Variants in ARCN1 observed in about 807,000 individuals in gnomAD.
ARCN1 encodes the protein archain 1 coat protein complex I subunit delta.
In ARCN1, 5 loss-of-function variants were observed where a neutral mutation model predicts 60.4. That is an observed-to-expected ratio of 0.08 (90% CI 0.04 to 0.17). ARCN1 has a LOEUF of 0.17. Ranked by LOEUF, ARCN1 falls within the 10% of genes least tolerant of loss-of-function variation. ARCN1 has a pLI of 1.00. For synonymous variants in ARCN1, 224 were observed against 220.0 expected (o/e 1.02, Z -0.16); for missense variants, 464 against 626.5 (o/e 0.74, Z 2.77).
chr11:118,591,891 C>T lies in ARCN1; in HGVS notation c.985-818C>T, dbSNP rs544011581. Reference sequence around the variant, plus strand: ...CTGGAACTATAGGTGTGCACCACCACACCCAGCTATTTATTTATTTATTTA... The same window carrying T: ...CTGGAACTATAGGTGTGCACCACCATACCCAGCTATTTATTTATTTATTTA... On this transcript the variant is annotated intron_variant, in intron 6 of 9. Transcript: ENST00000264028. 2.6e-5 allele frequency among the ~76,000 whole-genome samples: 4 copies of T among 151,780 alleles called. No individual in the cohort carries two copies. In the East Asian group the frequency reaches 7.7e-4, roughly 29 times the overall value.
rs567714111 is a variant in ARCN1, at chr11:118,572,531, C to G, written c.-17C>G. ...AGTGGAGCCGGAGTGCGGGCGCGCC[C>G]CACCACCGCCCTCACCATGGTAAGA... On this transcript the variant is annotated 5_prime_UTR_variant, in exon 1 of 10. Coordinates refer to ENST00000264028, the MANE Select transcript of ARCN1 (RefSeq NM_001655.5). 1 of 1,611,452 alleles carries G rather than the reference C, an allele frequency of 6.2e-7. No homozygotes were observed. Among genetic ancestry groups the G allele is most frequent in the African/African-American group, 1.3e-5 (1 of 74,994 alleles).
chr11:118,583,727 C>G, intron 3 of ARCN1, 82 bp from the exon 4 acceptor site: 1 of 1,444,012 alleles, frequency 6.9e-7, no homozygotes, highest in East Asian at 2.3e-5. Context: ...CACTTGCACT[C>G]CAGCCTGGGT....
chr11:118,590,591 C>T, intron 6 of ARCN1, 85 bp downstream of exon 6: 2 of 1,382,482 alleles, frequency 1.4e-6, no homozygotes, highest in Admixed American at 2.1e-5. Flanking sequence ...ATATGAACCA[C>T]AGAAAATTAC....
intron 8 of ARCN1, among the ~76,000 whole-genome samples, chr11:118,596,126 C>G (rs1555077129): frequency 6.6e-6 from 1 of 151,944 alleles, no homozygotes; most frequent in Non-Finnish European, 1.5e-5. Flanking sequence ...ATAATTCAAG[C>G]CTTTACATTA....
chr11:118,573,579 A>G (rs1938408529), intron 1 of ARCN1: 4 of 653,946 alleles, frequency 6.1e-6, no homozygotes, highest in Non-Finnish European at 1.1e-5. Flanking sequence ...AGTCTTTTGA[A>G]GGATGTTCTG....
At chr11:118,572,718 A>G in intron 1 of ARCN1, 168 bp downstream of exon 1, 1 of 714,388 alleles carries the variant, frequency 1.4e-6, no homozygotes, top group African/African-American at 1.8e-5. Context: ...GGTCTCCTGG[A>G]GATCCGATGG....
intron 1 of ARCN1, among the ~76,000 whole-genome samples, chr11:118,579,933 G>C (rs1221335756): frequency 6.6e-6 from 1 of 152,072 alleles, no homozygotes; most frequent in Non-Finnish European, 1.5e-5. Flanking sequence ...TTGGCAGTTT[G>C]GGAAATTTTA....
At position 118,600,693 on chromosome 11, in the gene ARCN1, G is replaced by A. The variant is rs782471613; in HGVS notation, c.1515G>A (p.Val505=). The change falls in exon 10 of 10, where the codon GTG becomes GTA. Residue 505 remains valine, a synonymous_variant. Transcript: ENST00000264028. ...VRFSTETTFL[V]DKYEIL ...TTTCCACAGAGACCACTTTCCTAGT[G>A]GATAAGTATGAAATTCTGTAATACC... The A allele has an allele frequency of 7.4e-6, 12 of 1,610,878 alleles. No homozygotes were observed. The highest frequency in any genetic ancestry group is 3.3e-4 in the Middle Eastern group (2 of 6,046).
intron 8 of ARCN1, among the ~76,000 whole-genome samples, chr11:118,596,304 G>A (rs1387197292): frequency 6.6e-6 from 1 of 152,142 alleles, no homozygotes; most frequent in Non-Finnish European, 1.5e-5. Flanking sequence ...GACAGGTAGA[G>A]TTTTGTTTGT....
rs575164128 is a variant in ARCN1, at chr11:118,584,738, TG to T, written c.818+95del. On this transcript the variant is annotated intron_variant, in intron 5 of 9. Transcript: ENST00000264028. ...TTCAGTGTGCTATAAATTCTTTCTCTGTCTTTTAATCGTTCCTGATTTAAAA... is the reference window on the plus strand; with the variant it reads ...TTCAGTGTGCTATAAATTCTTTCTCTTCTTTTAATCGTTCCTGATTTAAAA... 2.1e-4 allele frequency: 237 copies of T among 1,130,040 alleles called. 1 individual carries two copies. In the African/African-American group the frequency reaches 3.6e-3, roughly 17 times the overall value. 70.0% of individuals were successfully genotyped at this position (1,130,040 alleles called of 1,614,324 possible). A position where few individuals can be genotyped will look rare whatever the true frequency, so the allele number is the denominator to read the frequency against.
rs1555078095 is a variant in ARCN1, at chr11:118,601,313, C to T, written c.*599C>T. 5 of 411,516 alleles carry T rather than the reference C, an allele frequency of 1.2e-5. No homozygotes were observed. Among genetic ancestry groups the T allele is most frequent in the Non-Finnish European group, 2.3e-5 (5 of 216,524 alleles). The allele number at this position is 411,516 out of a possible 1,614,324, so 25.5% of individuals were successfully genotyped here. On this transcript the variant is annotated 3_prime_UTR_variant, in exon 10 of 10. Transcript: ENST00000264028. ...CTGAGCTCAGGCAATCCGCCCACCT[C>T]AGCCTCCCAAAGTGTTGGGATTACA...
chr11:118,572,677 G>A (rs1003420837), intron 1 of ARCN1, 127 bp downstream of exon 1: 42 of 1,244,720 alleles, frequency 3.4e-5, no homozygotes, highest in Non-Finnish European at 4.6e-5. Context: ...TTTTGCTCCG[G>A]GCTCGGGGAG....
At position 118,597,881 on chromosome 11, in the gene ARCN1, T is replaced by C; in HGVS notation, c.1416T>C (p.Phe472=). 6.2e-7 allele frequency: 1 copy of C among 1,614,196 alleles called. No homozygotes were observed. The highest frequency in any genetic ancestry group is 1.1e-5 in the South Asian group (1 of 91,080). ...ACTTCTTCCCTGTTCAAGTTTCCTT[T>C]GTCTCCAAGAAAAATTACTGTAACA... ...PNDFFPVQVS[F]VSKKNYCNIQ... The change falls in exon 9 of 10, where the codon TTT becomes TTC. Residue 472 remains phenylalanine (F), a synonymous_variant. Transcript: ENST00000264028.
In ARCN1 at chr11:118,589,776, A is replaced by G. The variant is rs1322222264; in HGVS notation, c.819-565A>G. Among the ~76,000 whole-genome samples the G allele has an allele frequency of 2.0e-5, 3 of 152,192 alleles. No individual in the cohort carries two copies. In the East Asian group the frequency reaches 5.8e-4, roughly 29 times the overall value. On this transcript the variant is annotated intron_variant, in intron 5 of 9. Transcript: ENST00000264028. ...GCAGACATGTTTCTAAACTTTTGCC[A>G]TTACAAACAATTCTTCAGTGAATAA...
intron 5 of ARCN1, among the ~76,000 whole-genome samples, chr11:118,588,942 C>T (rs1432625535): frequency 2.0e-5 from 3 of 151,006 alleles, no homozygotes; most frequent in South Asian, 4.2e-4. Flanking sequence ...CACTTGAACC[C>T]GGGAGGCAGA....
intron 1 of ARCN1, among the ~76,000 whole-genome samples, chr11:118,576,146 A>G (rs1473847067): frequency 6.6e-6 from 1 of 151,742 alleles, no homozygotes; most frequent in Non-Finnish European, 1.5e-5. Context: ...CAGAACAGAA[A>G]CCTAATTCTC....
chr11:118,592,863 G>A lies in ARCN1; in HGVS notation c.1132+7G>A, dbSNP rs782412960. ...TCTTTTATTCCACTGACAAGTAAGTGCCTCTGGCCAGTCCCACTAAGCTAG... is the reference window on the plus strand; with the variant it reads ...TCTTTTATTCCACTGACAAGTAAGTACCTCTGGCCAGTCCCACTAAGCTAG... On this transcript the variant is annotated splice_region_variant and intron_variant, in intron 7 of 9. Coordinates refer to ENST00000264028, the MANE Select transcript of ARCN1 (RefSeq NM_001655.5). 4 of 1,612,384 alleles carry A rather than the reference G, an allele frequency of 2.5e-6. No homozygotes were observed. The Admixed American group carries it at 6.7e-5, about 27-fold the overall frequency.
intron 1 of ARCN1, among the ~76,000 whole-genome samples, chr11:118,575,080 G>A (rs1453136813): frequency 6.6e-6 from 1 of 152,148 alleles, no homozygotes; most frequent in African/African-American, 2.4e-5. Context: ...CCGGGTTCAA[G>A]CTATCCTCCT....
intron 6 of ARCN1, among the ~76,000 whole-genome samples, chr11:118,591,738 G>GTTTTTT (rs543309206): frequency 7.1e-6 from 1 of 140,122 alleles, no homozygotes; most frequent in Non-Finnish European, 1.6e-5. Context: ...TCTTTTTTTT[G>GTTTTTT]TTTTTTTTTT....
Sources: gnomAD v4.1 joint callset for allele counts (sites outside exome capture counted in the v4.1 genomes callset) on GRCh38, gnomAD v4.1.1 for gene constraint, MANE v1.5 for transcripts, NCBI Gene and HGNC (gene_info 2026-07-23, HGNC 2026-07-21) for gene names.